FGD3: variants seen among roughly 807,000 people sequenced by gnomAD.
The protein encoded by FGD3 is FYVE, RhoGEF and PH domain-containing protein 3.
A neutral mutation model predicts 71.8 loss-of-function variants in FGD3; 45 were observed. That is an observed-to-expected ratio of 0.63 (90% CI 0.49 to 0.80). The LOEUF is 0.80. FGD3 is among the 30% of genes least tolerant of loss of function. FGD3 has a pLI of 0.00. For missense variants in FGD3, 844 were observed against 951.5 expected (o/e 0.89, Z 1.49); for synonymous variants, 378 against 392.8 (o/e 0.96, Z 0.44).
chr9:93,030,382 C>T (rs1587873803), intron 15 of FGD3, among the ~76,000 whole-genome samples: 1 of 152,142 alleles, frequency 6.6e-6, no homozygotes, highest in Admixed American at 6.5e-5. Context: ...TTTGCCCCAG[C>T]GCTCCAGTGG....
intron 8 of FGD3, among the ~76,000 whole-genome samples, chr9:93,013,224 A>C (rs1306040850): frequency 6.6e-6 from 1 of 152,222 alleles, no homozygotes; most frequent in Admixed American, 6.5e-5. Flanking sequence ...GGGTCAGCCA[A>C]ACCCAGCCGC....
chr9:93,034,320 G>A, intron 16 of FGD3: 1 of 501,716 alleles, frequency 2.0e-6, no homozygotes, highest in Non-Finnish European at 3.4e-6. Flanking sequence ...GGAGGGCCCA[G>A]CCTGCAAACC....
rs573598208 is a variant in FGD3 at position 93,008,249 on chromosome 9, G to A, written c.838-1997G>A. On this transcript the variant is annotated intron_variant, in intron 6 of 17. Coordinates refer to ENST00000375482, the MANE Select transcript of FGD3 (RefSeq NM_001083536.2). ...CATGTGAACAAGGATATTCTCTTGC[G>A]TACTCCCAGCACAGTGATCAAAATC... Among the ~76,000 whole-genome samples the A allele has an allele frequency of 1.5e-4, 23 of 152,202 alleles. 2 individuals carry two copies. Among genetic ancestry groups the A allele is most frequent in the Middle Eastern group, 6.8e-3 (2 of 294 alleles).
At chr9:93,021,727 C>T (rs1861927440) in intron 13 of FGD3, among the ~76,000 whole-genome samples, 1 of 152,194 alleles carries the variant, frequency 6.6e-6, no homozygotes, top group Non-Finnish European at 1.5e-5. Context: ...CTGCCTGGCA[C>T]AGCCCACCTC....
chr9:93,006,601 T>A lies in FGD3; in HGVS notation c.837+421T>A, dbSNP rs575171714. Among the ~76,000 whole-genome samples the A allele has an allele frequency of 8.9e-4, 135 of 152,344 alleles. 1 individual carries two copies. The highest frequency in any genetic ancestry group is 2.5e-3 in the African/African-American group (104 of 41,578). On this transcript the variant is annotated intron_variant, in intron 6 of 17. Transcript: ENST00000375482. ...TAAGAGCCTCCTCACAGCCCTGGCT[T>A]CTCTTGTCTCCTATAGGGCTGGTCT...
intron 16 of FGD3, chr9:93,034,302 C>G: frequency 2.1e-6 from 1 of 476,324 alleles, no homozygotes; most frequent in Non-Finnish European, 3.7e-6. Flanking sequence ...TATGGATGCC[C>G]TCCCCTTGGA....
At chr9:92,988,503 G>A (rs779091296) in intron 3 of FGD3, among the ~76,000 whole-genome samples, 15 of 152,132 alleles carry the variant, frequency 9.9e-5, no homozygotes, top group African/African-American at 2.7e-4. Flanking sequence ...CTGGTGTGGC[G>A]GGGCCCCTGC....
intron 14 of FGD3, among the ~76,000 whole-genome samples, chr9:93,028,037 GA>G: frequency 6.6e-6 from 1 of 152,092 alleles, no homozygotes; most frequent in African/African-American, 2.4e-5. Context: ...CCTTAAACCT[GA>G]AGAGTTTATG....
At chr9:92,977,308 G>A (rs570982326) in intron 3 of FGD3, among the ~76,000 whole-genome samples, 276 of 152,306 alleles carry the variant, frequency 1.8e-3, no homozygotes, top group Non-Finnish European at 3.2e-3. Context: ...TCTCATTAGC[G>A]TTTATGGGGC....
chr9:93,019,939 TG>T (rs1473156423), intron 12 of FGD3, 78 bp downstream of exon 12: 5 of 1,509,498 alleles, frequency 3.3e-6, no homozygotes, highest in Non-Finnish European at 4.6e-6. Flanking sequence ...GTTCAGAGGG[TG>T]GGGGCCCTGG....
At chr9:92,965,454 C>T (rs1009516963) in intron 1 of FGD3, among the ~76,000 whole-genome samples, 1 of 152,174 alleles carries the variant, frequency 6.6e-6, no homozygotes, top group African/African-American at 2.4e-5. Flanking sequence ...GTGGGGCTGA[C>T]CAGCTGGGTG....
chr9:93,035,703 C>A lies in FGD3; in HGVS notation c.*114C>A. 1 of 1,412,798 alleles carries A rather than the reference C, an allele frequency of 7.1e-7. No individual in the cohort carries two copies. Among genetic ancestry groups the A allele is most frequent in the Non-Finnish European group, 9.3e-7 (1 of 1,069,588 alleles). 87.5% of individuals were successfully genotyped at this position (1,412,798 alleles called of 1,614,324 possible). On this transcript the variant is annotated 3_prime_UTR_variant, in exon 18 of 18. Coordinates refer to ENST00000375482, the MANE Select transcript of FGD3 (RefSeq NM_001083536.2). Reference sequence around the variant, plus strand: ...GACTGCTGAGGGTGGGCCAACAGCCCAGAGCTCAGGACACTTGGCTTTGGG... The same window carrying A: ...GACTGCTGAGGGTGGGCCAACAGCCAAGAGCTCAGGACACTTGGCTTTGGG...
chr9:92,967,423 C>T (rs890938398), intron 1 of FGD3, among the ~76,000 whole-genome samples: 1 of 152,214 alleles, frequency 6.6e-6, no homozygotes, highest in African/African-American at 2.4e-5. Context: ...TGGCAGCCAC[C>T]ATTCTGGTTT....
intron 3 of FGD3, among the ~76,000 whole-genome samples, chr9:92,982,627 G>A (rs1349678053): frequency 6.6e-6 from 1 of 150,752 alleles, no homozygotes; most frequent in Non-Finnish European, 1.5e-5. Flanking sequence ...GCAACGGCAA[G>A]ATCACCGTTC....
At chr9:93,028,350 AAAAAG>A (rs199880806) in intron 14 of FGD3, among the ~76,000 whole-genome samples, 2,245 of 148,658 alleles carry the variant, frequency 0.015, 54 homozygotes, top group African/African-American at 0.051. Flanking sequence ...AAAAAAAAAA[AAAAAG>A]AAAGAAAAAC....
In FGD3 at chr9:92,975,363, C is replaced by T. The variant is rs944992791; in HGVS notation, c.-92C>T. On this transcript the variant is annotated 5_prime_UTR_variant, in exon 2 of 18. Transcript: ENST00000375482. The stretch of plus-strand genomic sequence containing the variant: ...CAGCACGGAGCCAGGCGCCTGTGCC[C>T]GCCGACCCTCAGCATCCTCCTCAGA... 2.0e-5 allele frequency: 3 copies of T among 152,500 alleles called. No individual in the cohort carries two copies. The highest frequency in any genetic ancestry group is 2.9e-5 in the Non-Finnish European group (2 of 68,286). 9.4% of individuals were successfully genotyped at this position (152,500 alleles called of 1,614,324 possible). A position where few individuals can be genotyped will look rare whatever the true frequency, so the allele number is the denominator to read the frequency against.
At chr9:92,963,586 C>T (rs753766716) in intron 1 of FGD3, among the ~76,000 whole-genome samples, 1 of 152,180 alleles carries the variant, frequency 6.6e-6, no homozygotes, top group Non-Finnish European at 1.5e-5. Flanking sequence ...AGGCATGAGC[C>T]ACCATGCCCA....
At chr9:92,993,334 T>C (rs1335715404) in intron 3 of FGD3, among the ~76,000 whole-genome samples, 1 of 152,180 alleles carries the variant, frequency 6.6e-6, no homozygotes, top group Non-Finnish European at 1.5e-5. Flanking sequence ...CTGGTTACCA[T>C]TTGAATGAAG....
chr9:92,949,011 G>A (rs187060395), intron 1 of FGD3, among the ~76,000 whole-genome samples: 8 of 152,294 alleles, frequency 5.3e-5, no homozygotes, highest in South Asian at 4.1e-4. Flanking sequence ...TTCCTTATCC[G>A]CAAAATGAGG....
Sources: allele counts gnomAD v4.1 joint callset (sites outside exome capture counted in the v4.1 genomes callset), GRCh38; gene constraint gnomAD v4.1.1; transcripts MANE v1.5; gene names NCBI Gene and HGNC (gene_info 2026-07-23, HGNC 2026-07-21).